ERAP2: variants seen among roughly 807,000 people sequenced by gnomAD.
ERAP2 encodes leukocyte-derived arginine aminopeptidase.
In ERAP2, 118 loss-of-function variants were observed where a neutral mutation model predicts 111.1. The observed-to-expected ratio is 1.06, with a 90% CI of 0.92 to 1.24. The LOEUF (loss-of-function observed/expected upper bound fraction) is 1.24, where lower values mean the gene tolerates loss of function less well. ERAP2 is among the 50% of genes most tolerant of loss of function. The pLI is 0.00. For missense variants in ERAP2, 1,131 were observed against 1,125.8 expected (o/e 1.00, Z -0.07); for synonymous variants, 410 against 401.2 (o/e 1.02, Z -0.26).
chr5:96,889,903 A>G (rs1400301543), intron 5 of ERAP2, among the ~76,000 whole-genome samples: 1 of 152,096 alleles, frequency 6.6e-6, no homozygotes, highest in African/African-American at 2.4e-5. Context: ...TGGAGGAATC[A>G]CCATACCTTA....
intron 13 of ERAP2, among the ~76,000 whole-genome samples, chr5:96,905,727 T>TA (rs1785994180): frequency 6.6e-6 from 1 of 151,780 alleles, no homozygotes; most frequent in Non-Finnish European, 1.5e-5. Flanking sequence ...CTACTAAAAA[T>TA]AAAAAAATTA....
Position 96,896,819 on chromosome 5 carries a change from T to C in ERAP2, c.1459T>C (p.Tyr487His). The C allele has an allele frequency of 6.2e-7, 1 of 1,603,400 alleles. No individual in the cohort carries two copies. Among genetic ancestry groups the C allele is most frequent in the Non-Finnish European group, 8.5e-7 (1 of 1,177,018 alleles). Residue 487 changes from tyrosine to histidine, a missense_variant, in exon 9 of 19, where the codon TAT becomes CAT. Transcript: ENST00000437043. The stretch of plus-strand genomic sequence containing the variant: ...AATTCAGTACTTAAAGAAGTTCAGC[T>C]ATAGAAATGCTAAGAATGATGACTT... ...GIIQYLKKFS[Y>H]RNAKNDDLWS...
rs201186013 is a variant in ERAP2 at position 96,880,310 on chromosome 5, G to A, written c.575+50G>A. 1.9e-5 allele frequency: 28 copies of A among 1,485,282 alleles called. No individual in the cohort carries two copies. In the Admixed American group the frequency reaches 2.7e-4, roughly 14 times the overall value. 92.0% of individuals were successfully genotyped at this position (1,485,282 alleles called of 1,614,324 possible). A position where few individuals can be genotyped will look rare whatever the true frequency, so the allele number is the denominator to read the frequency against. The stretch of plus-strand genomic sequence containing the variant: ...CATTCTTTTGTGATAATTTCCTTAC[G>A]AGTTACATCTCTTTGCCAGGAGCAG... On this transcript the variant is annotated intron_variant, in intron 2 of 18. Transcript: ENST00000437043.
intron 9 of ERAP2, among the ~76,000 whole-genome samples, chr5:96,899,874 TG>T (rs1785265706): frequency 6.6e-6 from 1 of 152,212 alleles, no homozygotes; most frequent in Non-Finnish European, 1.5e-5. Flanking sequence ...GAACGGTTAA[TG>T]ACTTTATTGA....
chr5:96,915,245 G>A (rs1787247631), intron 17 of ERAP2, among the ~76,000 whole-genome samples: 1 of 152,122 alleles, frequency 6.6e-6, no homozygotes, highest in Admixed American at 6.5e-5. Flanking sequence ...CTGACCTCAG[G>A]TGATCCACCC....
chr5:96,887,387 G>A (rs1783869448), intron 4 of ERAP2, among the ~76,000 whole-genome samples: 1 of 148,528 alleles, frequency 6.7e-6, no homozygotes, highest in Non-Finnish European at 1.5e-5. Context: ...TGCAATCTCC[G>A]CCTCCTGGAT....
Position 96,918,179 on chromosome 5 carries a change from T to A in ERAP2, c.*574T>A, listed in dbSNP as rs1787655522. 6.6e-6 allele frequency: 1 copy of A among 152,344 alleles called. No individual in the cohort carries two copies. The highest frequency in any genetic ancestry group is 2.4e-5 in the African/African-American group (1 of 41,436). 9.4% of individuals were successfully genotyped at this position (152,344 alleles called of 1,614,324 possible). On this transcript the variant is annotated 3_prime_UTR_variant, in exon 19 of 19. Transcript: ENST00000437043. The stretch of plus-strand genomic sequence containing the variant: ...ATTTAAAAGTAAACTTCCTGAATAA[T>A]GGATATATGTGGAGATACAGACATA...
intron 13 of ERAP2, among the ~76,000 whole-genome samples, chr5:96,907,101 G>T (rs1050444330): frequency 6.6e-6 from 1 of 152,132 alleles, no homozygotes; most frequent in Non-Finnish European, 1.5e-5. Context: ...ATTTCTCAAA[G>T]GTACAATCTA....
Position 96,887,303 on chromosome 5 carries a change from C to CTTT in ERAP2, c.849+527_849+529dup, listed in dbSNP as rs34313928. 5.8e-5 allele frequency among the ~76,000 whole-genome samples: 8 copies of CTTT among 137,530 alleles called. 1 individual carries two copies. The highest frequency in any genetic ancestry group is 6.2e-5 in the Non-Finnish European group (4 of 64,592). 90.2% of individuals were successfully genotyped at this position (137,530 alleles called of 152,430 possible). ...TTTTGGGCATGTATGTTGTTTCCGA[C>CTTT]TTTTTTTTTTTTTTTGAGACAGAGT... is the stretch of plus-strand genomic sequence containing the variant. On this transcript the variant is annotated intron_variant, in intron 4 of 18. Transcript: ENST00000437043.
intron 13 of ERAP2, among the ~76,000 whole-genome samples, chr5:96,907,020 C>A (rs1173831096): frequency 6.6e-6 from 1 of 152,164 alleles, no homozygotes; most frequent in East Asian, 1.9e-4. Context: ...AGGAGTGAAA[C>A]TCCATCTCAA....
chr5:96,904,815 T>A (rs1170648927), intron 13 of ERAP2, among the ~76,000 whole-genome samples: 1 of 152,216 alleles, frequency 6.6e-6, no homozygotes, highest in Admixed American at 6.5e-5. Context: ...CTAAATTTAG[T>A]AGGAGGAAAT....
intron 13 of ERAP2, among the ~76,000 whole-genome samples, chr5:96,905,635 C>A (rs1270144498): frequency 6.6e-6 from 1 of 152,034 alleles, no homozygotes; most frequent in Non-Finnish European, 1.5e-5. Context: ...TGTAACCCTA[C>A]CATTTTGGGA....
In ERAP2 at chr5:96,886,729, T is replaced by C. The variant is rs757434759; in HGVS notation, c.789T>C (p.Leu263=). 3.2e-6 allele frequency: 5 copies of C among 1,548,758 alleles called. No homozygotes were observed. The highest frequency in any genetic ancestry group is 2.4e-5 in the South Asian group (2 of 82,104). ...CTACTGTAAAAATGAGTACATACCT[T>C]GTAGCCTACATAGTTTGTGATTTCC... is the stretch of plus-strand genomic sequence containing the variant. ...FETTVKMSTY[L]VAYIVCDFHS... is the part of the protein sequence containing the mutation. The change falls in exon 4 of 19, where the codon CTT becomes CTC. Residue 263 remains leucine, a synonymous_variant. Coordinates refer to ENST00000437043, the MANE Select transcript of ERAP2 (RefSeq NM_022350.5).
At chr5:96,905,397 T>C (rs898853660) in intron 13 of ERAP2, among the ~76,000 whole-genome samples, 8 of 152,246 alleles carry the variant, frequency 5.3e-5, no homozygotes, top group African/African-American at 1.9e-4. Context: ...CTGGTTGTTT[T>C]GTAATTATGA....
chr5:96,877,037 C>T (rs147529760), intron 1 of ERAP2, among the ~76,000 whole-genome samples: 2,310 of 152,246 alleles, frequency 0.015, 84 homozygotes, highest in East Asian at 0.11. Flanking sequence ...TGCAGCAGCA[C>T]GATCTCGGCT....
At chr5:96,879,537 T>C (rs1782921325) in intron 1 of ERAP2, 27 bp from the exon 2 acceptor site, 2 of 605,188 alleles carry the variant, frequency 3.3e-6, no homozygotes, top group Non-Finnish European at 2.9e-6. Flanking sequence ...TTTTTTGTCA[T>C]GCTATAAGTG....
chr5:96,891,210 A>G (rs1784311413), intron 5 of ERAP2, among the ~76,000 whole-genome samples: 1 of 152,130 alleles, frequency 6.6e-6, no homozygotes, highest in African/African-American at 2.4e-5. Context: ...TTAAAAAATT[A>G]TCTTTTTTTC....
rs2549800 is a variant in ERAP2 at position 96,913,930 on chromosome 5, A to T, written c.2657+473A>T. ...GGTGGCACAGTGGAGACCTTGGTTC[A>T]GGTGAAAGAAACCTAGTCAGGAGTG... On this transcript the variant is annotated intron_variant, in intron 17 of 18. Transcript: ENST00000437043. Among the ~76,000 whole-genome samples the T allele has an allele frequency of 5.5e-4, 83 of 152,138 alleles. No individual in the cohort carries two copies. The South Asian group carries it at 0.017, about 31-fold the overall frequency.
At chr5:96,878,639 A>G (rs1325053192) in intron 1 of ERAP2, among the ~76,000 whole-genome samples, 1 of 151,932 alleles carries the variant, frequency 6.6e-6, no homozygotes, top group Non-Finnish European at 1.5e-5. Context: ...CAAAAAAAAT[A>G]AAATATGGCC....
Sources: gnomAD v4.1 joint callset for allele counts (sites outside exome capture counted in the v4.1 genomes callset) on GRCh38, gnomAD v4.1.1 for gene constraint, MANE v1.5 for transcripts, NCBI Gene and HGNC (gene_info 2026-07-23, HGNC 2026-07-21) for gene names.